The following FAXC variants were observed in gnomAD, a reference collection of about 807,000 sequenced individuals.
FAXC encodes the protein failed axon connections homolog, metaxin like GST domain containing.
In FAXC, 10 loss-of-function variants were observed where a neutral mutation model predicts 41.9. The observed-to-expected ratio is 0.24, with a 90% confidence interval of 0.15 to 0.41. The LOEUF is 0.41. Among genes scored for constraint, FAXC ranks in the 10% least tolerant of loss-of-function variants. The pLI is 1.00. For synonymous variants in FAXC, 183 were observed against 183.8 expected, an observed-to-expected ratio of 1.00 and a Z score of 0.03; for missense variants, 399 against 510.9, an observed-to-expected ratio of 0.78 and a Z score of 2.11.
chr6:99,336,935 A>G (rs1773239203), intron 2 of FAXC, among the ~76,000 whole-genome samples: 1 of 152,210 alleles, frequency 6.6e-6, no homozygotes, highest in African/African-American at 2.4e-5. Flanking sequence ...CCCAGGAGCT[A>G]TCTGGAGTCA....
chr6:99,299,917 G>T (rs1771640489), intron 4 of FAXC, among the ~76,000 whole-genome samples: 1 of 151,886 alleles, frequency 6.6e-6, no homozygotes, highest in Admixed American at 6.6e-5. Flanking sequence ...CTCACATTCT[G>T]GGAAAAAATA....
chr6:99,284,214 G>A (rs1333110111), intron 5 of FAXC: 2 of 152,148 alleles, frequency 1.3e-5, no homozygotes, highest in Non-Finnish European at 2.9e-5. Context: ...TGCACTACCT[G>A]TCATGGAATA....
At chr6:99,288,859 T>TACACATACACACACACACACACAC (rs1771122287) in intron 5 of FAXC, among the ~76,000 whole-genome samples, 1 of 145,736 alleles carries the variant, frequency 6.9e-6, no homozygotes, top group African/African-American at 2.6e-5. Flanking sequence ...CACACACACA[T>TACACATACACACACACACACACAC]ACACACACAC....
chr6:99,345,877 T>C (rs1235359031), intron 1 of FAXC, among the ~76,000 whole-genome samples: 1 of 152,224 alleles, frequency 6.6e-6, no homozygotes, highest in Non-Finnish European at 1.5e-5. Flanking sequence ...AAGTAGTGTG[T>C]TGGAACAATA....
chr6:99,328,759 C>A (rs549116897), intron 3 of FAXC, among the ~76,000 whole-genome samples: 18 of 152,310 alleles, frequency 1.2e-4, no homozygotes, highest in African/African-American at 4.1e-4. Flanking sequence ...CTTGGTTCTT[C>A]AAACCCTCCC....
At chr6:99,293,704 G>GTGTGTC (rs1771344467) in intron 4 of FAXC, among the ~76,000 whole-genome samples, 1 of 101,916 alleles carries the variant, frequency 9.8e-6, no homozygotes, top group African/African-American at 3.4e-5. Context: ...GTGTGTGTGT[G>GTGTGTC]TGTGTGTGTC....
At chr6:99,284,039 A>C (rs1341840591) in intron 5 of FAXC, 1 of 152,216 alleles carries the variant, frequency 6.6e-6, no homozygotes, top group Non-Finnish European at 1.5e-5. Context: ...ATAAAAAGTA[A>C]TAATCATAAT....
chr6:99,281,130 A>G lies in FAXC; in HGVS notation c.*34T>C, dbSNP rs1259885838. 1.0e-6 allele frequency: 1 copy of G among 979,026 alleles called. No individual in the cohort carries two copies. The highest frequency in any genetic ancestry group is 1.7e-6 in the Non-Finnish European group (1 of 604,508). The allele number at this position is 979,026 out of a possible 1,614,324, so 60.6% of individuals were successfully genotyped here. A position where few individuals can be genotyped will look rare whatever the true frequency, so the allele number is the denominator to read the frequency against. ...AAAATGGACCGACCCAGGGAGTGGC[A>G]GGTCCCAAGGAAGAGGGTCAGTGAG... On this transcript the variant is annotated 3_prime_UTR_variant, in exon 6 of 6. Transcript: ENST00000389677.
At chr6:99,300,325 T>G (rs1001271741) in intron 4 of FAXC, among the ~76,000 whole-genome samples, 1 of 152,246 alleles carries the variant, frequency 6.6e-6, no homozygotes, top group African/African-American at 2.4e-5. Context: ...ATGAAAGATT[T>G]GCACCAGTGT....
rs1047188090 is a variant in FAXC at position 99,300,823 on chromosome 6, A to G, written c.824-9003T>C. 3.3e-5 allele frequency among the ~76,000 whole-genome samples: 5 copies of G among 152,226 alleles called. No individual in the cohort carries two copies. The South Asian group carries it at 8.3e-4, about 25-fold the overall frequency. ...ACCAAATTCTGGTTAACGAAACACC[A>G]CATCAGAAAGAACACAATGTCATGT... On this transcript the variant is annotated intron_variant, in intron 4 of 5. Coordinates refer to ENST00000389677, the MANE Select transcript of FAXC (RefSeq NM_032511.4).
chr6:99,343,779 C>T (rs1313500372), intron 1 of FAXC, among the ~76,000 whole-genome samples: 1 of 152,170 alleles, frequency 6.6e-6, no homozygotes. Flanking sequence ...TCACCTAACC[C>T]TTCTTTCACC....
rs747626079 is a variant in FAXC, at chr6:99,278,597, G to A, written c.*2567C>T. ...GAAGCACATAAAATTAAATCCTTCC[G>A]GATAAAGACTCACACTATGGTGACT... On this transcript the variant is annotated 3_prime_UTR_variant, in exon 6 of 6. Coordinates refer to ENST00000389677, the MANE Select transcript of FAXC (RefSeq NM_032511.4). 3 of 152,114 alleles carry A rather than the reference G, an allele frequency of 2.0e-5. No homozygotes were observed. The highest frequency in any genetic ancestry group is 6.6e-5 in the Admixed American group (1 of 15,266). The allele number at this position is 152,114 out of a possible 1,614,324, so 9.4% of individuals were successfully genotyped here. A position where few individuals can be genotyped will look rare whatever the true frequency, so the allele number is the denominator to read the frequency against.
chr6:99,281,595 G>GGTTC (rs10686006), intron 5 of FAXC, 142 bp from the exon 6 acceptor site: 224,432 of 676,070 alleles, frequency 0.33, 41,393 homozygotes, highest in African/African-American at 0.42. Context: ...TTTAAGAGGT[G>GGTTC]GTTCGTTCAT....
At chr6:99,297,462 T>G (rs959251529) in intron 4 of FAXC, among the ~76,000 whole-genome samples, 1 of 152,118 alleles carries the variant, frequency 6.6e-6, no homozygotes, top group African/African-American at 2.4e-5. Flanking sequence ...GCTGCAAAGC[T>G]GAAGCGAGCT....
intron 4 of FAXC, among the ~76,000 whole-genome samples, chr6:99,318,306 C>CACACAAAAA (rs147852055): frequency 1.0e-4 from 14 of 135,318 alleles, no homozygotes; most frequent in African/African-American, 2.2e-4. Context: ...CACACACACA[C>CACACAAAAA]AAAATAGAAG....
intron 4 of FAXC, among the ~76,000 whole-genome samples, chr6:99,294,161 C>A (rs1314339026): frequency 6.6e-6 from 1 of 152,202 alleles, no homozygotes; most frequent in East Asian, 1.9e-4. Context: ...TGTCAACCAA[C>A]TTCTCCATCA....
At chr6:99,290,489 G>T (rs188347088) in intron 5 of FAXC, among the ~76,000 whole-genome samples, 2 of 151,982 alleles carry the variant, frequency 1.3e-5, no homozygotes, top group African/African-American at 4.8e-5. Context: ...ATCACTTGAG[G>T]TTAGGCATTC....
intron 5 of FAXC, among the ~76,000 whole-genome samples, chr6:99,290,402 A>G (rs1452424537): frequency 6.6e-6 from 1 of 152,136 alleles, no homozygotes; most frequent in Non-Finnish European, 1.5e-5. Flanking sequence ...CAAAATTAAC[A>G]TAAATAATAC....
chr6:99,327,160 C>T (rs1049916041), intron 3 of FAXC, among the ~76,000 whole-genome samples: 11 of 152,124 alleles, frequency 7.2e-5, no homozygotes, highest in Admixed American at 2.6e-4. Context: ...ATATTATCGA[C>T]CAGTGTCAGG....
Sources: allele counts gnomAD v4.1 joint callset (sites outside exome capture counted in the v4.1 genomes callset), GRCh38; gene constraint gnomAD v4.1.1; transcripts MANE v1.5; gene names NCBI Gene and HGNC (gene_info 2026-07-23, HGNC 2026-07-21).